Variants in TMEM204 observed in about 807,000 individuals in gnomAD.
The protein encoded by TMEM204 is claudin-like protein 24.
Under a neutral mutation model 19.4 loss-of-function variants are expected in TMEM204, and 15 were observed. The ratio of observed to expected loss-of-function variants is 0.77; its 90% CI spans 0.52 to 1.19. The LOEUF (loss-of-function observed/expected upper bound fraction) is 1.19. TMEM204 is among the 50% of genes most tolerant of loss of function. TMEM204 has a pLI of 0.00. For missense variants in TMEM204, 287 were observed against 321.2 expected (o/e 0.89, Z 0.81); for synonymous variants, 161 against 146.0 (o/e 1.10, Z -0.74).
At chr16:1,529,341 C>T (rs1214556907), upstream of TMEM204, among the ~76,000 whole-genome samples, 1 of 152,176 alleles carries the variant, frequency 6.6e-6, no homozygotes, top group Non-Finnish European at 1.5e-5. Context: ...GGGAAGTGAG[C>T]CTGCCTCCCT....
intron 2 of TMEM204, among the ~76,000 whole-genome samples, chr16:1,549,025 C>A (rs1256567062): frequency 6.6e-6 from 1 of 152,266 alleles, no homozygotes; most frequent in Non-Finnish European, 1.5e-5. Flanking sequence ...CGCTCTCCAG[C>A]AGCGGTGCCC....
chr16:1,535,352 C>T (rs1407646097), intron 1 of TMEM204, among the ~76,000 whole-genome samples: 1 of 152,196 alleles, frequency 6.6e-6, no homozygotes, highest in African/African-American at 2.4e-5. Context: ...AAGGCGCTTA[C>T]AGCCCATGGG....
chr16:1,553,796 CTA>C lies in TMEM204; in HGVS notation c.437-984_437-983del. On this transcript the variant is annotated intron_variant, in intron 2 of 2. Coordinates refer to ENST00000566264, the MANE Select transcript of TMEM204 (RefSeq NM_024600.6). The surrounding 1 kb of genome is among the most constrained non-coding windows in gnomAD (Gnocchi z 4.4). The stretch of plus-strand genomic sequence containing the variant: ...GACAGCCTCTCCTCCATCCTAGAGC[CTA>C]TGTTTCCAGCTGGATTAGGACGCCC... The C allele has an allele frequency of 3.3e-6, 4 of 1,197,750 alleles. No individual in the cohort carries two copies. Among genetic ancestry groups the C allele is most frequent in the Non-Finnish European group, 4.2e-6 (4 of 946,660 alleles). The allele number at this position is 1,197,750 out of a possible 1,614,324, so 74.2% of individuals were successfully genotyped here. A position where few individuals can be genotyped will look rare whatever the true frequency, so the allele number is the denominator to read the frequency against.
intron 2 of TMEM204, among the ~76,000 whole-genome samples, chr16:1,547,056 T>G (rs866058872): frequency 1.3e-5 from 2 of 152,384 alleles, no homozygotes; most frequent in Middle Eastern, 6.8e-3. Flanking sequence ...GGTTTCCCCT[T>G]GTTTTGGTGC....
rs1430693229 is a variant in TMEM204, at chr16:1,554,972, G to A, written c.627G>A (p.Leu209=). The A allele has an allele frequency of 5.0e-6, 8 of 1,613,910 alleles. No individual in the cohort carries two copies. In the South Asian group the frequency reaches 8.8e-5, roughly 18 times the overall value. ...GGGTGATTGTCATCAGCCGCTCCCT[G>A]ACAGCGCGCTTTCGCCGTGGGCTGG... The part of the protein sequence containing the change: ...APRVIVISRS[L]TARFRRGLDN... The change falls in exon 3 of 3, where the codon CTG becomes CTA. Residue 209 remains leucine, a synonymous_variant. Transcript: ENST00000566264.
intron 2 of TMEM204, among the ~76,000 whole-genome samples, chr16:1,544,431 C>T (rs1294532759): frequency 6.6e-6 from 1 of 151,736 alleles, no homozygotes; most frequent in Admixed American, 6.6e-5. Flanking sequence ...GTGATCCGCC[C>T]ACCTTGGCCT....
Position 1,554,890 on chromosome 16 carries a change from C to A in TMEM204, c.545C>A (p.Ala182Glu). ...GGCGCCTGCCTTCTGGCCACGCTGG[C>A]GGCAGCCATGCTCATCTGGAACATT... The part of the protein sequence containing the change: ...NIGACLLATL[A>E]AAMLIWNILH... The change falls in exon 3 of 3, where the codon GCG (alanine) becomes GAG (glutamate). Residue 182 changes from alanine to glutamate, a missense_variant. By Grantham distance (107) the Ala-to-Glu change is moderately radical. Transcript: ENST00000566264. 1 of 1,614,218 alleles carries A rather than the reference C, an allele frequency of 6.2e-7. No homozygotes were observed. Among genetic ancestry groups the A allele is most frequent in the Non-Finnish European group, 8.5e-7 (1 of 1,180,048 alleles).
chr16:1,554,689 A>G lies in TMEM204; in HGVS notation c.437-93A>G, dbSNP rs1048811174. 4 of 1,523,558 alleles carry G rather than the reference A, an allele frequency of 2.6e-6. No individual in the cohort carries two copies. In the African/African-American group the frequency reaches 5.5e-5, roughly 21 times the overall value. 94.4% of individuals were successfully genotyped at this position (1,523,558 alleles called of 1,614,324 possible). A position where few individuals can be genotyped will look rare whatever the true frequency, so the allele number is the denominator to read the frequency against. The stretch of plus-strand genomic sequence containing the variant: ...ACAGAGGGCTGGGGAAGGATAAAGC[A>G]GGCTGGAACCTGCTCTAGGACAGAG... On this transcript the variant is annotated intron_variant, in intron 2 of 2. Coordinates refer to ENST00000566264, the MANE Select transcript of TMEM204 (RefSeq NM_024600.6).
chr16:1,548,350 C>T (rs1301394685), intron 2 of TMEM204, among the ~76,000 whole-genome samples: 2 of 152,180 alleles, frequency 1.3e-5, no homozygotes, highest in Non-Finnish European at 2.9e-5. Context: ...AAAAGGAAGG[C>T]CTGTGACAGA....
Position 1,538,314 on chromosome 16 carries a change from C to T in TMEM204, c.281-3607C>T, listed in dbSNP as rs544204060. ...GCACAGGGCTGTGTGCCTGGAGCTGCGAGGAAGGAAGGCTGAGAGGCCAGG... is the reference window on the plus strand; with the variant it reads ...GCACAGGGCTGTGTGCCTGGAGCTGTGAGGAAGGAAGGCTGAGAGGCCAGG... On this transcript the variant is annotated intron_variant, in intron 1 of 2. Transcript: ENST00000566264. Among the ~76,000 whole-genome samples the T allele has an allele frequency of 2.2e-4, 33 of 152,284 alleles. No homozygotes were observed. The East Asian group carries it at 5.0e-3, about 23-fold the overall frequency.
intron 2 of TMEM204, among the ~76,000 whole-genome samples, chr16:1,545,365 C>T (rs1464315524): frequency 6.6e-6 from 1 of 152,220 alleles, no homozygotes; most frequent in Non-Finnish European, 1.5e-5. Context: ...GCCACCTCTC[C>T]CCCTCAGTGT....
At chr16:1,538,323 A>C (rs2031286381) in intron 1 of TMEM204, among the ~76,000 whole-genome samples, 1 of 152,166 alleles carries the variant, frequency 6.6e-6, no homozygotes, top group Admixed American at 6.5e-5. Flanking sequence ...GCGAGGAAGG[A>C]AGGCTGAGAG....
chr16:1,554,175 T>A (rs1407591323), intron 2 of TMEM204: 2 of 1,261,466 alleles, frequency 1.6e-6, no homozygotes, highest in African/African-American at 1.5e-5. Context: ...CCTGGCCCCA[T>A]CTCCGCCCTG....
chr16:1,551,262 A>G lies in TMEM204; in HGVS notation c.437-3520A>G, dbSNP rs1334571396. On this transcript the variant is annotated intron_variant, in intron 2 of 2. Coordinates refer to ENST00000566264, the MANE Select transcript of TMEM204 (RefSeq NM_024600.6). The surrounding 1 kb of genome is among the most constrained non-coding windows in gnomAD (Gnocchi z 4.0). ...AGAGCGGCCAGAGCCACCCATGGGT[A>G]AAGACACAATGACCACGGCTGGCAG... Among the ~76,000 whole-genome samples, 1 of 152,170 alleles carries G rather than the reference A, an allele frequency of 6.6e-6. No individual in the cohort carries two copies. The highest frequency in any genetic ancestry group is 1.5e-5 in the Non-Finnish European group (1 of 68,032).
rs570010952 is a variant in TMEM204 at position 1,553,880 on chromosome 16, G to A, written c.437-902G>A. ...ATCCTAGTTGGTAGACTCTAGTCAC[G>A]AAACCCTGATTTTCCTGTTGTAAGA... On this transcript the variant is annotated intron_variant, in intron 2 of 2. Transcript: ENST00000566264. The surrounding 1 kb of genome is among the most constrained non-coding windows in gnomAD (Gnocchi z 4.4). 6 of 1,258,916 alleles carry A rather than the reference G, an allele frequency of 4.8e-6. No homozygotes were observed. Among genetic ancestry groups the A allele is most frequent in the Middle Eastern group, 3.4e-4 (1 of 2,900 alleles). 78.0% of individuals were successfully genotyped at this position (1,258,916 alleles called of 1,614,324 possible).
upstream of TMEM204, among the ~76,000 whole-genome samples, chr16:1,530,002 T>G (rs907703243): frequency 2.0e-5 from 3 of 152,052 alleles, no homozygotes; most frequent in Non-Finnish European, 4.4e-5. Context: ...ACGTCTCACT[T>G]CTCTAACATC....
In TMEM204 at chr16:1,551,991, G is replaced by A. The variant is rs2032684640; in HGVS notation, c.437-2791G>A. On this transcript the variant is annotated intron_variant, in intron 2 of 2. Transcript: ENST00000566264. The surrounding 1 kb of genome is among the most constrained non-coding windows in gnomAD (Gnocchi z 4.0). ...TCCCCCTGCAATGACGGTACCTCCA[G>A]GTCCCCTATGTGTGGAAACTGACCC... 6.6e-6 allele frequency among the ~76,000 whole-genome samples: 1 copy of A among 152,146 alleles called. No individual in the cohort carries two copies. Among genetic ancestry groups the A allele is most frequent in the Non-Finnish European group, 1.5e-5 (1 of 68,028 alleles).
intron 2 of TMEM204, among the ~76,000 whole-genome samples, chr16:1,549,094 C>CG (rs2032422184): frequency 6.6e-6 from 1 of 152,180 alleles, no homozygotes. Flanking sequence ...TGCCTAGGGC[C>CG]GCGCAGGTTC....
chr16:1,545,880 C>G (rs1276244736), intron 2 of TMEM204, among the ~76,000 whole-genome samples: 1 of 152,222 alleles, frequency 6.6e-6, no homozygotes, highest in South Asian at 2.1e-4. Context: ...AGGGACCACC[C>G]TCCTCGCCCC....
Sources: gnomAD v4.1 joint callset for allele counts (sites outside exome capture counted in the v4.1 genomes callset) on GRCh38, gnomAD v4.1.1 for gene constraint, Gnocchi (gnomAD v3.1) non-coding constraint, MANE v1.5 for transcripts, NCBI Gene and HGNC (gene_info 2026-07-23, HGNC 2026-07-21) for gene names.